CDH13: variants seen among roughly 807,000 people sequenced by gnomAD.
The protein encoded by CDH13 is cadherin-13.
Under a neutral mutation model 63.8 loss-of-function variants are expected in CDH13, and 24 were observed. That is an observed-to-expected ratio of 0.38 (90% confidence interval 0.27 to 0.53). CDH13 has a LOEUF of 0.53. Among genes scored for constraint, CDH13 ranks in the 20% least tolerant of loss-of-function variants. CDH13 has a pLI of 0.85. For missense variants in CDH13, 1,049 were observed against 903.1 expected, an observed-to-expected ratio of 1.16 and a Z score of -2.07; for synonymous variants, 503 against 355.3, an observed-to-expected ratio of 1.42 and a Z score of -4.67.
intron 5 of CDH13, among the ~76,000 whole-genome samples, chr16:83,249,138 C>A (rs184944204): frequency 2.0e-4 from 31 of 152,326 alleles, no homozygotes; most frequent in Middle Eastern, 3.4e-3. Flanking sequence ...GTCGTTCTCC[C>A]TGAGTGAGTC....
intron 1 of CDH13, among the ~76,000 whole-genome samples, chr16:82,856,173 G>A (rs923830231): frequency 5.9e-5 from 9 of 151,674 alleles, no homozygotes; most frequent in East Asian, 1.9e-4. Flanking sequence ...TCAGCAGATC[G>A]AGACCATCCT....
chr16:82,750,770 G>T (rs1335325077), intron 1 of CDH13, among the ~76,000 whole-genome samples: 1 of 149,338 alleles, frequency 6.7e-6, no homozygotes, highest in African/African-American at 2.5e-5. Context: ...GCAAGAGATT[G>T]GCTTAAGCTG....
intron 4 of CDH13, among the ~76,000 whole-genome samples, chr16:83,168,994 C>T (rs547087095): frequency 2.0e-5 from 3 of 152,230 alleles, no homozygotes; most frequent in South Asian, 4.2e-4. Context: ...AGACGTGGGT[C>T]CACAGTTATC....
intron 5 of CDH13, among the ~76,000 whole-genome samples, chr16:83,265,940 T>C (rs950976105): frequency 7.2e-5 from 11 of 151,812 alleles, no homozygotes; most frequent in Admixed American, 5.9e-4. Context: ...CGGTTTTTTG[T>C]TTATTTCTGT....
chr16:83,009,429 GTCTT>G (rs1913888626), intron 2 of CDH13, among the ~76,000 whole-genome samples: 1 of 152,176 alleles, frequency 6.6e-6, no homozygotes. Flanking sequence ...TATTGTAGGT[GTCTT>G]TCTATGTAAT....
At chr16:83,231,087 C>T (rs79194050) in intron 5 of CDH13, among the ~76,000 whole-genome samples, 2,270 of 152,148 alleles carry the variant, frequency 0.015, 23 homozygotes, top group Middle Eastern at 0.044. Flanking sequence ...GTGCTAGGAT[C>T]GGAACAGGGA....
intron 1 of CDH13, among the ~76,000 whole-genome samples, chr16:82,690,293 G>C (rs71402033): frequency 9.2e-5 from 14 of 152,032 alleles, no homozygotes; most frequent in African/African-American, 3.1e-4. Flanking sequence ...TAGACTACCA[G>C]AAAGCTTTGG....
chr16:83,657,028 C>T (rs973212799), intron 8 of CDH13, among the ~76,000 whole-genome samples: 2 of 152,158 alleles, frequency 1.3e-5, no homozygotes, highest in African/African-American at 4.8e-5. Context: ...GTACAGTAAA[C>T]TCAGGGCACT....
Position 83,565,383 on chromosome 16 carries a change from C to CTTTTTTTTTTTTTTTTTT in CDH13, c.961-37056_961-37055insTTTTTTTTTTTTTTTTTT, listed in dbSNP as rs369127310. Reference sequence around the variant, plus strand: ...GGATTTCCGTTCCTCTTCCACTGTTCTTTTTTTTTTTTTTTCTTAGTTGCA... The same window carrying CTTTTTTTTTTTTTTTTTT: ...GGATTTCCGTTCCTCTTCCACTGTTCTTTTTTTTTTTTTTTTTTTTTTTTTTTTTTTTTCTTAGTTGCA... On this transcript the variant is annotated intron_variant, in intron 7 of 13. Coordinates refer to ENST00000567109, the MANE Select transcript of CDH13 (RefSeq NM_001257.5). Among the ~76,000 whole-genome samples, 8 of 130,612 alleles carry CTTTTTTTTTTTTTTTTTT rather than the reference C, an allele frequency of 6.1e-5. 1 individual carries two copies. Among genetic ancestry groups the CTTTTTTTTTTTTTTTTTT allele is most frequent in the Non-Finnish European group, 7.8e-5 (5 of 63,890 alleles). 85.7% of individuals were successfully genotyped at this position (130,612 alleles called of 152,430 possible).
chr16:82,915,622 T>C (rs1157329948), intron 2 of CDH13, among the ~76,000 whole-genome samples: 1 of 151,806 alleles, frequency 6.6e-6, no homozygotes, highest in Non-Finnish European at 1.5e-5. Context: ...CCTCCCAAAC[T>C]GGATGGCATG....
At position 83,040,102 on chromosome 16, in the gene CDH13, A is replaced by C. The variant is rs111930218; in HGVS notation, c.366+7884A>C. The stretch of plus-strand genomic sequence containing the variant: ...CGCTCCCATGCAGCACACTAAGATC[A>C]CTCTGGGGCCAGACCACCTTGGCAT... On this transcript the variant is annotated intron_variant, in intron 3 of 13. Coordinates refer to ENST00000567109, the MANE Select transcript of CDH13 (RefSeq NM_001257.5). 7.3e-4 allele frequency among the ~76,000 whole-genome samples: 111 copies of C among 151,506 alleles called. 1 individual carries two copies. Among genetic ancestry groups the C allele is most frequent in the Middle Eastern group, 3.4e-3 (1 of 294 alleles).
chr16:83,460,129 C>G (rs2073136836), intron 6 of CDH13, among the ~76,000 whole-genome samples: 1 of 152,112 alleles, frequency 6.6e-6, no homozygotes, highest in African/African-American at 2.4e-5. Flanking sequence ...AGAAAAATGA[C>G]TAATGTATAA....
chr16:82,819,710 T>A (rs1020767550), intron 1 of CDH13, among the ~76,000 whole-genome samples: 13 of 152,316 alleles, frequency 8.5e-5, no homozygotes, highest in African/African-American at 2.9e-4. Flanking sequence ...TCCTTTCTCC[T>A]CCTTTCTTCT....
intron 6 of CDH13, among the ~76,000 whole-genome samples, chr16:83,353,299 C>T (rs1433315826): frequency 1.3e-5 from 2 of 152,262 alleles, no homozygotes; most frequent in Non-Finnish European, 2.9e-5. Flanking sequence ...CTCACACCGG[C>T]TCAGAACCAA....
At chr16:83,143,736 T>C (rs551809917) in intron 4 of CDH13, among the ~76,000 whole-genome samples, 1 of 152,302 alleles carries the variant, frequency 6.6e-6, no homozygotes, top group African/African-American at 2.4e-5. Context: ...TACAACCTGC[T>C]CTGCATCCTC....
intron 4 of CDH13, among the ~76,000 whole-genome samples, chr16:83,207,758 T>A: frequency 7.4e-6 from 1 of 135,616 alleles, no homozygotes. Flanking sequence ...ACAAATACTC[T>A]CCTTAAAAAA....
In CDH13 at chr16:82,866,149, G is replaced by A. The variant is rs139240102; in HGVS notation, c.157+7676G>A. Reference sequence around the variant, plus strand: ...AGACCACATCAGCCTGGACTTCATCGTACATATTACTATCAGCATTTTGGT... The same window carrying A: ...AGACCACATCAGCCTGGACTTCATCATACATATTACTATCAGCATTTTGGT... On this transcript the variant is annotated intron_variant, in intron 2 of 13. Transcript: ENST00000567109. Among the ~76,000 whole-genome samples, 922 of 152,078 alleles carry A rather than the reference G, an allele frequency of 6.1e-3. 14 individuals carry two copies. Among genetic ancestry groups the A allele is most frequent in the African/African-American group, 0.021 (888 of 41,468 alleles).
At position 83,047,357 on chromosome 16, in the gene CDH13, A is replaced by G. The variant is rs1016290480; in HGVS notation, c.366+15139A>G. ...CTCGTAAACCGTGGTTAACACAGAT[A>G]ATTGAGACTTGAGTGCTTTTTTATT... On this transcript the variant is annotated intron_variant, in intron 3 of 13. Coordinates refer to ENST00000567109, the MANE Select transcript of CDH13 (RefSeq NM_001257.5). This position sits in a 1 kb window ranked among gnomAD's most constrained non-coding sequence, Gnocchi z 4.9. Among the ~76,000 whole-genome samples the G allele has an allele frequency of 5.3e-5, 8 of 152,308 alleles. No homozygotes were observed. The highest frequency in any genetic ancestry group is 1.4e-4 in the African/African-American group (6 of 41,574).
chr16:83,008,720 C>T (rs1668985232), intron 2 of CDH13, among the ~76,000 whole-genome samples: 1 of 152,118 alleles, frequency 6.6e-6, no homozygotes, highest in Admixed American at 6.5e-5. Context: ...ATCATGGTGG[C>T]CTGTGCCAGA....
Sources: allele counts gnomAD v4.1 joint callset (sites outside exome capture counted in the v4.1 genomes callset), GRCh38; gene constraint gnomAD v4.1.1; non-coding constraint Gnocchi (gnomAD v3.1); transcripts MANE v1.5; gene names NCBI Gene and HGNC (gene_info 2026-07-23, HGNC 2026-07-21).